Variants in ZCWPW2 observed in about 807,000 individuals in gnomAD.
ZCWPW2 encodes zinc finger CW-type PWWP domain protein 2.
In ZCWPW2, 45 loss-of-function variants were observed where a neutral mutation model predicts 46.6. That is an observed-to-expected ratio of 0.96 (90% CI 0.76 to 1.24). The LOEUF is 1.24. Ranked by LOEUF, ZCWPW2 falls within the 50% of genes most tolerant of loss-of-function variation. The probability of loss-of-function intolerance (pLI) is 0.00; values close to 1 mark genes in which losing one functional copy is unlikely to be tolerated. For synonymous variants in ZCWPW2, 152 were observed against 137.1 expected (o/e 1.11, Z -0.76); for missense variants, 429 against 403.9 (o/e 1.06, Z -0.53).
intron 4 of ZCWPW2, chr3:28,447,765 A>G (rs545056813): frequency 2.8e-6 from 2 of 712,916 alleles, no homozygotes; most frequent in East Asian, 2.8e-5. Context: ...GTTTCCTACA[A>G]TACAACCACT....
intron 9 of ZCWPW2, 132 bp downstream of exon 9, chr3:28,521,248 A>G: frequency 3.2e-6 from 3 of 934,892 alleles, no homozygotes; most frequent in Admixed American, 3.6e-5. Context: ...CTTGATTATC[A>G]TGAGGTAAAT....
intron 3 of ZCWPW2, among the ~76,000 whole-genome samples, chr3:28,420,724 A>C (rs549303602): frequency 6.6e-6 from 1 of 152,112 alleles, no homozygotes; most frequent in South Asian, 2.1e-4. Flanking sequence ...TATTTTTACC[A>C]TAACAACTTT....
chr3:28,399,256 T>A (rs754853113), intron 2 of ZCWPW2, among the ~76,000 whole-genome samples: 42 of 151,984 alleles, frequency 2.8e-4, no homozygotes, highest in Non-Finnish European at 4.7e-4. Flanking sequence ...CTTACCCCCA[T>A]CCTCCACAGC....
intron 4 of ZCWPW2, among the ~76,000 whole-genome samples, chr3:28,474,803 ATTTGTTG>A (rs1003793013): frequency 1.4e-4 from 13 of 89,780 alleles, no homozygotes; most frequent in Non-Finnish European, 2.2e-4. Flanking sequence ...TGTCTGAACT[ATTTGTTG>A]TTGTTGTTGT....
chr3:28,490,432 A>G (rs951364307), intron 5 of ZCWPW2, among the ~76,000 whole-genome samples: 7 of 152,158 alleles, frequency 4.6e-5, no homozygotes, highest in Admixed American at 2.0e-4. Context: ...ATGCCCATCA[A>G]TTGTAGACTG....
chr3:28,520,763 C>T (rs1434359882), intron 8 of ZCWPW2, among the ~76,000 whole-genome samples: 2 of 152,128 alleles, frequency 1.3e-5, no homozygotes, highest in Non-Finnish European at 2.9e-5. Flanking sequence ...ATGGTTTATA[C>T]ATAGCAAGAC....
At chr3:28,353,426 T>G (rs1239527562) in intron 1 of ZCWPW2, among the ~76,000 whole-genome samples, 1 of 152,160 alleles carries the variant, frequency 6.6e-6, no homozygotes, top group Non-Finnish European at 1.5e-5. Flanking sequence ...GATGGAAATA[T>G]GAATTCAAGG....
intron 3 of ZCWPW2, among the ~76,000 whole-genome samples, chr3:28,429,718 G>A (rs1697169287): frequency 6.6e-6 from 1 of 152,176 alleles, no homozygotes; most frequent in Non-Finnish European, 1.5e-5. Context: ...GCCGGGCCCA[G>A]TGCCTTGCTG....
At chr3:28,454,551 ATGG>A (rs1351772673) in intron 4 of ZCWPW2, among the ~76,000 whole-genome samples, 4 of 152,242 alleles carry the variant, frequency 2.6e-5, no homozygotes, top group Admixed American at 1.3e-4. Flanking sequence ...AGTGTGTGCC[ATGG>A]TGGTTTGCAG....
At chr3:28,411,702 G>A (rs946118319) in intron 2 of ZCWPW2, among the ~76,000 whole-genome samples, 36 of 152,058 alleles carry the variant, frequency 2.4e-4, no homozygotes, top group African/African-American at 8.0e-4. Flanking sequence ...CCAGAAAGTA[G>A]AGAAAAAATT....
intron 3 of ZCWPW2, among the ~76,000 whole-genome samples, chr3:28,428,836 G>A (rs1697128203): frequency 6.6e-6 from 1 of 152,098 alleles, no homozygotes; most frequent in Non-Finnish European, 1.5e-5. Flanking sequence ...CTGCTGTCAT[G>A]TGAAGAAGGA....
intron 1 of ZCWPW2, among the ~76,000 whole-genome samples, chr3:28,359,570 T>G (rs1158165113): frequency 6.6e-6 from 1 of 152,156 alleles, no homozygotes; most frequent in Non-Finnish European, 1.5e-5. Flanking sequence ...TCAGAATACT[T>G]CGTAATCCTG....
At chr3:28,354,320 C>A (rs1278422545) in intron 1 of ZCWPW2, among the ~76,000 whole-genome samples, 1 of 148,842 alleles carries the variant, frequency 6.7e-6, no homozygotes, top group Non-Finnish European at 1.5e-5. Context: ...AGTTGAATCC[C>A]TGAATAGACC....
At chr3:28,511,782 G>A (rs1238964275) in intron 6 of ZCWPW2, among the ~76,000 whole-genome samples, 2 of 151,916 alleles carry the variant, frequency 1.3e-5, no homozygotes, top group Non-Finnish European at 2.9e-5. Context: ...TTTACATAAT[G>A]TTCAGCACTT....
At chr3:28,448,361 C>G (rs1698078541) in intron 4 of ZCWPW2, among the ~76,000 whole-genome samples, 1 of 151,972 alleles carries the variant, frequency 6.6e-6, no homozygotes, top group Non-Finnish European at 1.5e-5. Flanking sequence ...AACAAACTAC[C>G]TGAGAATTAA....
chr3:28,452,009 C>T (rs1178679755), intron 4 of ZCWPW2, among the ~76,000 whole-genome samples: 2 of 152,114 alleles, frequency 1.3e-5, no homozygotes, highest in Non-Finnish European at 2.9e-5. Flanking sequence ...GTTTTCTAAA[C>T]ATCATTTTAG....
At chr3:28,461,316 T>C (rs961944950) in intron 4 of ZCWPW2, among the ~76,000 whole-genome samples, 2 of 152,116 alleles carry the variant, frequency 1.3e-5, no homozygotes, top group Non-Finnish European at 2.9e-5. Flanking sequence ...ACTTTAGTTT[T>C]AAAGTTAGGT....
chr3:28,518,979 A>T (rs1174002838), intron 8 of ZCWPW2, among the ~76,000 whole-genome samples: 2 of 152,176 alleles, frequency 1.3e-5, no homozygotes, highest in Non-Finnish European at 2.9e-5. Flanking sequence ...GAAAATCCTG[A>T]TTTGATAGAC....
intron 3 of ZCWPW2, among the ~76,000 whole-genome samples, chr3:28,427,549 G>A (rs900773490): frequency 6.6e-6 from 1 of 151,858 alleles, no homozygotes; most frequent in Non-Finnish European, 1.5e-5. Flanking sequence ...TCTTTAGATC[G>A]GCATGCAAGA....
Sources: gnomAD v4.1 joint callset for allele counts (sites outside exome capture counted in the v4.1 genomes callset) on GRCh38, gnomAD v4.1.1 for gene constraint, MANE v1.5 for transcripts, NCBI Gene and HGNC (gene_info 2026-07-23, HGNC 2026-07-21) for gene names.